MCM10: variants seen among roughly 807,000 people sequenced by gnomAD.
The protein encoded by MCM10 is protein MCM10 homolog.
Under a neutral mutation model 109.9 loss-of-function variants are expected in MCM10, and 91 were observed. The observed-to-expected ratio is 0.83, with a 90% CI of 0.70 to 0.99. The LOEUF (loss-of-function observed/expected upper bound fraction) is 0.99. Among genes scored for constraint, MCM10 ranks in the 50% least tolerant of loss-of-function variants. The pLI is 0.00. For synonymous variants in MCM10, 380 were observed against 387.2 expected, an observed-to-expected ratio of 0.98 and a Z score of 0.22; for missense variants, 1,077 against 1,061.2, an observed-to-expected ratio of 1.01 and a Z score of -0.21.
chr10:13,193,923 G>A (rs978228535), intron 13 of MCM10, among the ~76,000 whole-genome samples: 3 of 152,242 alleles, frequency 2.0e-5, no homozygotes, highest in South Asian at 4.2e-4. Flanking sequence ...GTGGCTGTGC[G>A]GTTGGGAAGA....
In MCM10 at chr10:13,210,011, A is replaced by G. The variant is rs951964714; in HGVS notation, c.*701A>G. Reference sequence around the variant, plus strand: ...GGTGTCTGCTCTTACATTATTGTGGAGCCCTGTGATAGAAATATGTAAAAT... The same window carrying G: ...GGTGTCTGCTCTTACATTATTGTGGGGCCCTGTGATAGAAATATGTAAAAT... On this transcript the variant is annotated 3_prime_UTR_variant, in exon 20 of 20. Transcript: ENST00000378714. 1 of 152,020 alleles carries G rather than the reference A, an allele frequency of 6.6e-6. No homozygotes were observed. The highest frequency in any genetic ancestry group is 2.4e-5 in the African/African-American group (1 of 41,406). 9.4% of individuals were successfully genotyped at this position (152,020 alleles called of 1,614,324 possible). A position where few individuals can be genotyped will look rare whatever the true frequency, so the allele number is the denominator to read the frequency against.
At chr10:13,169,866 C>T (rs1415789509) in intron 2 of MCM10, among the ~76,000 whole-genome samples, 1 of 152,070 alleles carries the variant, frequency 6.6e-6, no homozygotes, top group Non-Finnish European at 1.5e-5. Context: ...CCACCACGCC[C>T]AGCTAATTTT....
chr10:13,178,667 C>T (rs1834171861), intron 6 of MCM10, among the ~76,000 whole-genome samples: 1 of 152,068 alleles, frequency 6.6e-6, no homozygotes, highest in Non-Finnish European at 1.5e-5. Flanking sequence ...GTTCTTTTTG[C>T]TCGGGATTGC....
Position 13,198,887 on chromosome 10 carries a change from G to C in MCM10, c.2238+80G>C, listed in dbSNP as rs4750317. The C allele has an allele frequency of 0.29, 259,858 of 903,080 alleles. 39,554 individuals carry two copies. Among genetic ancestry groups the C allele is most frequent in the South Asian group, 0.38 (26,664 of 69,526 alleles). 55.9% of individuals were successfully genotyped at this position (903,080 alleles called of 1,614,324 possible). A position where few individuals can be genotyped will look rare whatever the true frequency, so the allele number is the denominator to read the frequency against. On this transcript the variant is annotated intron_variant, in intron 16 of 19. Transcript: ENST00000378714. ...AGGTGCTAGCTGTAGGACCAAGAAT[G>C]TGTTGTTTGTTTTATTTTGTTTTTC...
chr10:13,180,507 C>T lies in MCM10; in HGVS notation c.830C>T (p.Ser277Phe). 8 of 1,613,928 alleles carry T rather than the reference C, an allele frequency of 5.0e-6. No individual in the cohort carries two copies. Among genetic ancestry groups the T allele is most frequent in the Non-Finnish European group, 6.8e-6 (8 of 1,179,980 alleles). The part of the protein sequence containing the change: ...KMTGRKLIRL[S>F]QIKEKMAREK... ...ACCGGCCGAAAACTGATCAGACTGT[C>T]TCAGATCAAGGAAAAGATGGCCAGA... The change falls in exon 7 of 20, where the codon TCT (serine) becomes TTT (phenylalanine). Residue 277 changes from serine to phenylalanine, a missense_variant. By Grantham distance (155) the Ser-to-Phe change is radical (BLOSUM62 -2). Coordinates refer to ENST00000378714, the MANE Select transcript of MCM10 (RefSeq NM_018518.5).
chr10:13,196,704 G>C lies in MCM10; in HGVS notation c.1975-919G>C, dbSNP rs111672032. On this transcript the variant is annotated intron_variant, in intron 14 of 19. Coordinates refer to ENST00000378714, the MANE Select transcript of MCM10 (RefSeq NM_018518.5). ...ATTTTTGTATTTTTAGAAGAGACAG[G>C]GTTTCACCATGTTGGCCAGGCTGGT... Among the ~76,000 whole-genome samples, 687 of 152,074 alleles carry C rather than the reference G, an allele frequency of 4.5e-3. 9 individuals carry two copies. The highest frequency in any genetic ancestry group is 0.016 in the African/African-American group (667 of 41,492).
chr10:13,205,624 C>T (rs1834570052), intron 18 of MCM10, among the ~76,000 whole-genome samples: 1 of 152,188 alleles, frequency 6.6e-6, no homozygotes, highest in Non-Finnish European at 1.5e-5. Context: ...TGAGGTTGTG[C>T]TAATTTGCAT....
intron 2 of MCM10, among the ~76,000 whole-genome samples, chr10:13,167,053 C>T (rs2895555): frequency 0.17 from 25,992 of 151,936 alleles, 2,770 homozygotes; most frequent in Non-Finnish European, 0.23. Context: ...GCAAGAGGAT[C>T]GCTTGAGCCC....
At chr10:13,166,328 A>AT (rs1190300135) in intron 2 of MCM10, among the ~76,000 whole-genome samples, 1 of 152,000 alleles carries the variant, frequency 6.6e-6, no homozygotes, top group Non-Finnish European at 1.5e-5. Flanking sequence ...GATTACATCT[A>AT]TTTTTTCTGT....
At chr10:13,204,983 CATGTATGT>C (rs1291438585) in intron 18 of MCM10, among the ~76,000 whole-genome samples, 574 of 33,222 alleles carry the variant, frequency 0.017, 12 homozygotes, top group African/African-American at 0.028. Flanking sequence ...TTGTGCTTCT[CATGTATGT>C]ATGTATGTAT....
At chr10:13,202,871 G>A (rs1834518648) in intron 17 of MCM10, among the ~76,000 whole-genome samples, 1 of 152,094 alleles carries the variant, frequency 6.6e-6, no homozygotes, top group Non-Finnish European at 1.5e-5. Context: ...TGGAGACAGA[G>A]TCTCACTCTG....
chr10:13,179,169 CT>C (rs1351517894), intron 6 of MCM10, among the ~76,000 whole-genome samples: 1 of 152,088 alleles, frequency 6.6e-6, no homozygotes, highest in African/African-American at 2.4e-5. Flanking sequence ...TTGACTTTTT[CT>C]TTTCCAATTT....
chr10:13,169,737 G>A (rs1015276931), intron 2 of MCM10, among the ~76,000 whole-genome samples: 2 of 152,100 alleles, frequency 1.3e-5, no homozygotes, highest in African/African-American at 4.8e-5. Flanking sequence ...ATGGAGTCTC[G>A]CCCTGTCACC....
In MCM10 at chr10:13,171,124, A is replaced by G; in HGVS notation, c.210A>G (p.Glu70=). ...DDGETGETRD[E]KENLATLFGD... ...GAGAAACAGGAGAGACAAGAGACGA[A>G]AAGGAAAATCTGGCCACTCTCTTTG... Residue 70 remains glutamate (E), a synonymous_variant, in exon 3 of 20, where the codon GAA becomes GAG. Transcript: ENST00000378714. 6.2e-7 allele frequency: 1 copy of G among 1,614,228 alleles called. No homozygotes were observed. Among genetic ancestry groups the G allele is most frequent in the Non-Finnish European group, 8.5e-7 (1 of 1,180,044 alleles).
At chr10:13,198,905 T>C (rs1834459645) in intron 16 of MCM10, 98 bp downstream of exon 16, 1 of 831,414 alleles carries the variant, frequency 1.2e-6, no homozygotes, top group Admixed American at 2.0e-5. Context: ...TGTTTTATTT[T>C]GTTTTTCTGA....
rs199995341 is a variant in MCM10 at position 13,201,533 on chromosome 10, C to T, written c.2351C>T (p.Thr784Met). The change falls in exon 17 of 20, where the codon ACG becomes ATG. Residue 784 changes from threonine (T) to methionine (M), a missense_variant and splice_region_variant. Physicochemically the swap from Thr to Met is moderately conservative, Grantham distance 81. Transcript: ENST00000378714. ...AAGTGCCGTGTCGTGACATGCAAGA[C>T]GGTGGGTGAAGGTGGGGGCTGCAGC... ...EVKCRVVTCK[T>M]CAYTHFKLLE... 39 of 1,605,030 alleles carry T rather than the reference C, an allele frequency of 2.4e-5. No homozygotes were observed. Among genetic ancestry groups the T allele is most frequent in the Admixed American group, 1.2e-4 (7 of 59,098 alleles).
At chr10:13,208,962 T>G in intron 18 of MCM10, 129 bp from the exon 19 acceptor site, 1 of 722,570 alleles carries the variant, frequency 1.4e-6, no homozygotes, top group East Asian at 2.5e-5. Flanking sequence ...TGGCATACAA[T>G]ACGAATGTCA....
intron 6 of MCM10, among the ~76,000 whole-genome samples, chr10:13,178,371 G>A (rs1185350782): frequency 6.6e-6 from 1 of 152,234 alleles, no homozygotes; most frequent in Non-Finnish European, 1.5e-5. Context: ...TTACAGGCGT[G>A]AGCCACGGTG....
chr10:13,209,159 G>A lies in MCM10; in HGVS notation c.2541+26G>A, dbSNP rs191376801. 1.9e-6 allele frequency: 3 copies of A among 1,609,824 alleles called. No homozygotes were observed. In the East Asian group the frequency reaches 6.7e-5, roughly 36 times the overall value. ...GTATGCCATTTGCGTACTAATTTTT[G>A]ACTCCTTTTAGTGACCCATGCTAAT... On this transcript the variant is annotated intron_variant, in intron 19 of 19. Coordinates refer to ENST00000378714, the MANE Select transcript of MCM10 (RefSeq NM_018518.5).
Sources: gnomAD v4.1 joint callset for allele counts (sites outside exome capture counted in the v4.1 genomes callset) on GRCh38, gnomAD v4.1.1 for gene constraint, MANE v1.5 for transcripts, NCBI Gene and HGNC (gene_info 2026-07-23, HGNC 2026-07-21) for gene names.